Variants in NOX5 observed in about 807,000 individuals in gnomAD.
The protein encoded by NOX5 is NADPH oxidase 5, also known as NADPH oxidase, EF-hand calcium binding domain 5.
NOX5 carries 76 observed loss-of-function variants against 85.7 expected under a neutral mutation model. The observed-to-expected ratio is 0.89, with a 90% confidence interval of 0.74 to 1.07. The LOEUF is 1.07. NOX5 is among the 50% of genes least tolerant of loss of function. NOX5 has a pLI of 0.00. For synonymous variants in NOX5, 405 were observed against 401.4 expected (o/e 1.01, Z -0.11); for missense variants, 973 against 999.5 (o/e 0.97, Z 0.36).
At chr15:69,027,461 G>A (rs1369947435) in intron 2 of NOX5, among the ~76,000 whole-genome samples, 4 of 152,096 alleles carry the variant, frequency 2.6e-5, no homozygotes, top group South Asian at 2.1e-4. Flanking sequence ...AGTCCACAGC[G>A]GACTTCGGCC....
At chr15:69,046,107 G>A (rs562598754) in intron 10 of NOX5, 2 of 152,474 alleles carry the variant, frequency 1.3e-5, no homozygotes, top group Admixed American at 1.3e-4. Flanking sequence ...GCCTGTTCTG[G>A]GGTCTGCTTC....
At position 69,019,592 on chromosome 15, in the gene NOX5, CCT is replaced by C. The variant is rs1334686016; in HGVS notation, c.50+4810_50+4811del. 7.9e-5 allele frequency among the ~76,000 whole-genome samples: 12 copies of C among 152,246 alleles called. No homozygotes were observed. In the East Asian group the frequency reaches 1.9e-3, roughly 24 times the overall value. On this transcript the variant is annotated intron_variant, in intron 1 of 15. Coordinates refer to ENST00000388866, the MANE Select transcript of NOX5 (RefSeq NM_024505.4). ...GCGTAAAGCAATACAGAACTGAAAT[CCT>C]CTTTCTCCCCTCCAGTCCTGCCTCT...
In NOX5 at chr15:69,049,023, A is replaced by G; in HGVS notation, c.1964A>G (p.Lys655Arg). Residue 655 changes from lysine to arginine, a missense_variant, in exon 14 of 16, where the codon AAA (lysine) becomes AGA (arginine). Coordinates refer to ENST00000388866, the MANE Select transcript of NOX5 (RefSeq NM_024505.4). ...GAGTGGTTTGTGAGCCTGCTGACTA[A>G]ACTGGAGATGGACCAGGCCGAGGAG... ...SFEWFVSLLT[K>R]LEMDQAEEAQ... 2 of 1,612,792 alleles carry G rather than the reference A, an allele frequency of 1.2e-6. No homozygotes were observed. The highest frequency in any genetic ancestry group is 8.5e-7 in the Non-Finnish European group (1 of 1,179,606).
intron 14 of NOX5, among the ~76,000 whole-genome samples, chr15:69,051,022 C>G (rs368802388): frequency 6.6e-6 from 1 of 152,322 alleles, no homozygotes; most frequent in East Asian, 1.9e-4. Flanking sequence ...AGAAACTATG[C>G]AGATTTTCAG....
intron 10 of NOX5, among the ~76,000 whole-genome samples, chr15:69,045,540 C>CTTTCTTTCTTTCTT (rs1567105105): frequency 9.1e-6 from 1 of 110,210 alleles, no homozygotes; most frequent in Non-Finnish European, 1.7e-5. Flanking sequence ...TTTCTTTTTT[C>CTTTCTTTCTTTCTT]TTTCTTTCTT....
At chr15:69,054,933 A>G (rs2050792528) in intron 14 of NOX5, among the ~76,000 whole-genome samples, 1 of 152,140 alleles carries the variant, frequency 6.6e-6, no homozygotes, top group South Asian at 2.1e-4. Flanking sequence ...TATAAATACA[A>G]AAAGTCTTGG....
chr15:69,043,248 G>T (rs1338358139), intron 10 of NOX5, among the ~76,000 whole-genome samples: 1 of 152,100 alleles, frequency 6.6e-6, no homozygotes, highest in Non-Finnish European at 1.5e-5. Context: ...GCCTGGTCCA[G>T]GTGGGCCCCT....
At chr15:69,045,619 C>CTCCT (rs895573405) in intron 10 of NOX5, among the ~76,000 whole-genome samples, 1 of 77,570 alleles carries the variant, frequency 1.3e-5, no homozygotes, top group Admixed American at 1.5e-4. Flanking sequence ...CTCTCTCTCT[C>CTCCT]TCCTTCCTTC....
chr15:69,036,227 T>C (rs577242536), intron 7 of NOX5, among the ~76,000 whole-genome samples: 3 of 152,330 alleles, frequency 2.0e-5, no homozygotes, highest in African/African-American at 7.2e-5. Context: ...GAACATAGGC[T>C]CAGCAGGTTT....
At chr15:69,019,285 A>G (rs1344876547) in intron 1 of NOX5, among the ~76,000 whole-genome samples, 1 of 152,200 alleles carries the variant, frequency 6.6e-6, no homozygotes, top group Admixed American at 6.5e-5. Context: ...CTGCCATGGA[A>G]GGGGGCAGGG....
At chr15:69,040,498 C>G (rs1368516812) in intron 9 of NOX5, among the ~76,000 whole-genome samples, 1 of 152,148 alleles carries the variant, frequency 6.6e-6, no homozygotes, top group Non-Finnish European at 1.5e-5. Context: ...TAGCAGCACA[C>G]TTTTTCTTAG....
Position 69,031,344 on chromosome 15 carries a change from C to T in NOX5, c.326-174C>T. On this transcript the variant is annotated intron_variant, in intron 3 of 15. Coordinates refer to ENST00000388866, the MANE Select transcript of NOX5 (RefSeq NM_024505.4). ...CAGGCAACCACTGAAGCCAAAGATT[C>T]TCCACCCGTGGGGAGGTGTCCATTG... is the stretch of plus-strand genomic sequence containing the variant. 6 of 657,630 alleles carry T rather than the reference C, an allele frequency of 9.1e-6. No individual in the cohort carries two copies. The South Asian group carries it at 1.4e-4, about 15-fold the overall frequency. The allele number at this position is 657,630 out of a possible 1,614,324, so 40.7% of individuals were successfully genotyped here.
In NOX5 at chr15:69,042,714, A is replaced by G. The variant is rs1335298135; in HGVS notation, c.1556A>G (p.Tyr519Cys). The G allele has an allele frequency of 1.9e-6, 3 of 1,614,010 alleles. No homozygotes were observed. Among genetic ancestry groups the G allele is most frequent in the East Asian group, 2.2e-5 (1 of 44,890 alleles). The change falls in exon 10 of 16, where the codon TAT (tyrosine) becomes TGT (cysteine). Residue 519 changes from tyrosine (Y) to cysteine (C), a missense_variant. Physicochemically the swap from Tyr to Cys is radical, Grantham distance 194. Coordinates refer to ENST00000388866, the MANE Select transcript of NOX5 (RefSeq NM_024505.4). ...CAAGGCCAGTGGACAAACAGGCTGT[A>G]TGAGTCCTTCAAGGCATCAGACCCA... ...RSQGQWTNRL[Y>C]ESFKASDPLG... is the part of the protein sequence containing the mutation.
chr15:69,032,684 T>A (rs927024888), intron 4 of NOX5, among the ~76,000 whole-genome samples: 8 of 152,220 alleles, frequency 5.3e-5, no homozygotes, highest in Non-Finnish European at 1.0e-4. Flanking sequence ...GTGTTGGGAT[T>A]ACAGACGTGA....
intron 14 of NOX5, among the ~76,000 whole-genome samples, chr15:69,054,829 C>T (rs915804291): frequency 3.3e-5 from 5 of 152,172 alleles, no homozygotes; most frequent in African/African-American, 1.2e-4. Context: ...GTGTCCCCAG[C>T]CAGGCTGAGG....
chr15:69,025,476 G>A (rs1377608341), intron 1 of NOX5, among the ~76,000 whole-genome samples: 2 of 152,256 alleles, frequency 1.3e-5, no homozygotes, highest in Non-Finnish European at 1.5e-5. Flanking sequence ...AGGCATCGTC[G>A]CCTTGCTCAG....
At chr15:69,037,363 A>C (rs2050535352) in intron 8 of NOX5, among the ~76,000 whole-genome samples, 153 bp downstream of exon 8, 1 of 152,212 alleles carries the variant, frequency 6.6e-6, no homozygotes, top group Non-Finnish European at 1.5e-5. Context: ...GCAAAATGCA[A>C]GACCCAGTCC....
intron 9 of NOX5, among the ~76,000 whole-genome samples, chr15:69,039,535 A>T (rs1350125202): frequency 6.6e-6 from 1 of 152,194 alleles, no homozygotes; most frequent in Non-Finnish European, 1.5e-5. Context: ...ATCCAGATGG[A>T]TGGAGCAGCC....
rs779063976 is a variant in NOX5 at position 69,033,159 on chromosome 15, C to A, written c.737C>A (p.Ala246Glu). ...CAGCTGTTCTGCCTGGCCACCTATG[C>A]AGGCCTCCACGTGCTGCTCTTCGGG... ...RSQLFCLATY[A>E]GLHVLLFGLA... is the part of the protein sequence containing the mutation. Residue 246 changes from alanine (A) to glutamate (E), a missense_variant, in exon 5 of 16, where the codon GCA (alanine) becomes GAA (glutamate). Physicochemically the swap from Ala to Glu is moderately radical, Grantham distance 107 (BLOSUM62 -1). Coordinates refer to ENST00000388866, the MANE Select transcript of NOX5 (RefSeq NM_024505.4). 5.1e-6 allele frequency: 8 copies of A among 1,580,888 alleles called. No homozygotes were observed. The highest frequency in any genetic ancestry group is 6.8e-6 in the Non-Finnish European group (8 of 1,170,408).
Sources: allele counts gnomAD v4.1 joint callset (sites outside exome capture counted in the v4.1 genomes callset), GRCh38; gene constraint gnomAD v4.1.1; transcripts MANE v1.5; gene names NCBI Gene and HGNC (gene_info 2026-07-23, HGNC 2026-07-21).